The following C8orf34 variants were observed in gnomAD, a reference collection of about 807,000 sequenced individuals.
The protein encoded by C8orf34 is uncharacterized protein C8orf34.
C8orf34 carries 65 observed loss-of-function variants against 68.3 expected under a neutral mutation model. The ratio of observed to expected loss-of-function variants is 0.95; its 90% CI spans 0.78 to 1.17. C8orf34 has a LOEUF of 1.17. Among genes scored for constraint, C8orf34 ranks in the 50% most tolerant of loss-of-function variants. The pLI is 0.00. For missense variants in C8orf34, 664 were observed against 655.4 expected (o/e 1.01, Z -0.14); for synonymous variants, 244 against 241.2 (o/e 1.01, Z -0.11).
At position 68,655,849 on chromosome 8, in the gene C8orf34, T is replaced by C. The variant is rs183855145; in HGVS notation, c.1241+15338T>C. Among the ~76,000 whole-genome samples the C allele has an allele frequency of 1.9e-3, 292 of 152,324 alleles. 2 individuals are homozygous for C. Among genetic ancestry groups the C allele is most frequent in the Non-Finnish European group, 3.8e-3 (260 of 68,008 alleles). On this transcript the variant is annotated intron_variant, in intron 8 of 13. Transcript: ENST00000518698. ...ATTATAAGGAGGATGGTAGTCATCC[T>C]ATTTCCATCTTTCTAGAATGTAGGC...
rs576185960 is a variant in C8orf34, at chr8:68,475,332, T to A, written c.736+6512T>A. On this transcript the variant is annotated intron_variant, in intron 4 of 13. Coordinates refer to ENST00000518698, the MANE Select transcript of C8orf34 (RefSeq NM_052958.4). ...GAACACACTTATATGCTATGATCTG[T>A]TTTTATTTATCTCCTCTGGACCTTG... is the stretch of plus-strand genomic sequence containing the variant. Among the ~76,000 whole-genome samples, 3 of 152,318 alleles carry A rather than the reference T, an allele frequency of 2.0e-5. No individual in the cohort carries two copies. The South Asian group carries it at 6.2e-4, about 32-fold the overall frequency.
At chr8:68,554,732 CA>C (rs2130092112) in intron 7 of C8orf34, among the ~76,000 whole-genome samples, 1 of 152,100 alleles carries the variant, frequency 6.6e-6, no homozygotes, top group East Asian at 1.9e-4. Context: ...AAATGAGGCT[CA>C]AAGACATTTA....
At chr8:68,463,029 T>C (rs1210983298) in intron 3 of C8orf34, among the ~76,000 whole-genome samples, 1 of 151,522 alleles carries the variant, frequency 6.6e-6, no homozygotes, top group African/African-American at 2.4e-5. Context: ...ATCAACAAAA[T>C]TGATAGACCG....
chr8:68,650,669 T>C (rs367906531), intron 8 of C8orf34, among the ~76,000 whole-genome samples: 2,844 of 151,934 alleles, frequency 0.019, 31 homozygotes, highest in Non-Finnish European at 0.031. Flanking sequence ...TTAGTAGAGA[T>C]GGGGTTTCAC....
At chr8:68,785,785 C>G (rs1407165970) in intron 11 of C8orf34, among the ~76,000 whole-genome samples, 1 of 152,124 alleles carries the variant, frequency 6.6e-6, no homozygotes, top group Non-Finnish European at 1.5e-5. Context: ...TGATATCACA[C>G]AGAATAGTTT....
chr8:68,725,257 T>C (rs1344879724), intron 10 of C8orf34, among the ~76,000 whole-genome samples: 1 of 152,216 alleles, frequency 6.6e-6, no homozygotes. Flanking sequence ...ATAGTAAATG[T>C]CTTACTGACT....
intron 1 of C8orf34, among the ~76,000 whole-genome samples, chr8:68,355,207 AG>A (rs1563372188): frequency 6.6e-6 from 1 of 152,110 alleles, no homozygotes; most frequent in Non-Finnish European, 1.5e-5. Flanking sequence ...ACTGAACTGA[AG>A]CTCAAAGTGT....
chr8:68,550,112 T>G (rs897754651), intron 7 of C8orf34, among the ~76,000 whole-genome samples: 1 of 151,814 alleles, frequency 6.6e-6, no homozygotes, highest in Non-Finnish European at 1.5e-5. Context: ...TGGATTAATA[T>G]CTACCATTTT....
At chr8:68,633,616 A>C (rs1432829362) in intron 7 of C8orf34, among the ~76,000 whole-genome samples, 2 of 152,198 alleles carry the variant, frequency 1.3e-5, no homozygotes, top group African/African-American at 4.8e-5. Context: ...AGAAATTTCC[A>C]GCTTACCAAA....
At chr8:68,505,964 G>T (rs1814002709) in intron 5 of C8orf34, among the ~76,000 whole-genome samples, 1 of 152,032 alleles carries the variant, frequency 6.6e-6, no homozygotes, top group South Asian at 2.1e-4. Flanking sequence ...GAACACCTAG[G>T]TAACTACCAT....
intron 12 of C8orf34, 119 bp downstream of exon 12, chr8:68,787,655 G>A: frequency 3.3e-6 from 2 of 605,336 alleles, no homozygotes; most frequent in Non-Finnish European, 5.7e-6. Context: ...TCCAGACTCT[G>A]TTAGGAAGAA....
chr8:68,625,364 A>C (rs1818508495), intron 7 of C8orf34: 1 of 439,192 alleles, frequency 2.3e-6, no homozygotes, highest in Non-Finnish European at 4.0e-6. Context: ...GGAAATTCAA[A>C]ATATGTATCT....
At chr8:68,621,332 G>A (rs1318133191) in intron 7 of C8orf34, among the ~76,000 whole-genome samples, 1 of 152,058 alleles carries the variant, frequency 6.6e-6, no homozygotes, top group Admixed American at 6.6e-5. Context: ...ACCACATGTT[G>A]GATCAGAGAC....
intron 3 of C8orf34, 45 bp downstream of exon 3, chr8:68,446,505 T>G: frequency 1.9e-6 from 3 of 1,562,924 alleles, no homozygotes; most frequent in Non-Finnish European, 2.6e-6. Context: ...CATGTAAGTT[T>G]ATGTTGTTAA....
chr8:68,751,238 C>T (rs976923317), intron 10 of C8orf34, among the ~76,000 whole-genome samples: 1 of 152,096 alleles, frequency 6.6e-6, no homozygotes, highest in African/African-American at 2.4e-5. Context: ...CAGTTCTTAG[C>T]TCAATATATG....
At chr8:68,575,752 C>G (rs181681779) in intron 7 of C8orf34, among the ~76,000 whole-genome samples, 5 of 151,930 alleles carry the variant, frequency 3.3e-5, no homozygotes, top group African/African-American at 1.2e-4. Flanking sequence ...AAGGGGCTTA[C>G]CTGCATTGAA....
rs560895140 is a variant in C8orf34, at chr8:68,743,488, G to A, written c.1404+22051G>A. ...CTCACTAGGGAATGCCAGACAGTGG[G>A]TGCAGGTCAGTGGGTGGGTGCAGGT... On this transcript the variant is annotated intron_variant, in intron 10 of 13. Transcript: ENST00000518698. Among the ~76,000 whole-genome samples, 5 of 152,226 alleles carry A rather than the reference G, an allele frequency of 3.3e-5. No individual in the cohort carries two copies. In the East Asian group the frequency reaches 5.8e-4, roughly 18 times the overall value.
chr8:68,509,229 G>A (rs1010176781), intron 5 of C8orf34, among the ~76,000 whole-genome samples: 2 of 152,228 alleles, frequency 1.3e-5, no homozygotes, highest in Non-Finnish European at 2.9e-5. Context: ...GGTTCCAGCA[G>A]AAGGGGCCAT....
intron 10 of C8orf34, among the ~76,000 whole-genome samples, chr8:68,755,752 T>C (rs1266913847): frequency 6.6e-6 from 1 of 152,064 alleles, no homozygotes; most frequent in Non-Finnish European, 1.5e-5. Flanking sequence ...TGTACAAATA[T>C]ATTTGTGGCT....
Sources: allele counts gnomAD v4.1 joint callset (sites outside exome capture counted in the v4.1 genomes callset), GRCh38; gene constraint gnomAD v4.1.1; transcripts MANE v1.5; gene names NCBI Gene and HGNC (gene_info 2026-07-23, HGNC 2026-07-21).